Variants in HTR2C observed in about 807,000 individuals in gnomAD.
HTR2C encodes 5-hydroxytryptamine (serotonin) receptor 2C, G protein-coupled.
HTR2C carries 5 observed loss-of-function variants against 21.0 expected under a neutral mutation model. The observed-to-expected ratio is 0.24, with a 90% CI of 0.12 to 0.50. The LOEUF (loss-of-function observed/expected upper bound fraction) is 0.50, where lower values mean the gene tolerates loss of function less well. Among genes scored for constraint, HTR2C ranks in the 20% least tolerant of loss-of-function variants. The pLI is 0.98. For missense variants in HTR2C, 271 were observed against 371.2 expected, an observed-to-expected ratio of 0.73 and a Z score of 2.22; for synonymous variants, 150 against 145.3, an observed-to-expected ratio of 1.03 and a Z score of -0.23.
chrX:114,706,332 G>C (rs1932767537), intron 2 of HTR2C, among the ~76,000 whole-genome samples: 1 of 73,302 alleles, frequency 1.4e-5, no homozygotes, highest in African/African-American at 5.1e-5. Context: ...TGATAGACTG[G>C]ATTAAGAAAA....
chrX:114,818,179 G>A (rs1418755273), intron 4 of HTR2C, among the ~76,000 whole-genome samples: 1 of 111,627 alleles, frequency 9.0e-6, no homozygotes, highest in Non-Finnish European at 1.9e-5. Flanking sequence ...GGAATAGAAG[G>A]GAACTTCCAC....
chrX:114,719,395 A>G (rs943161657), intron 2 of HTR2C, among the ~76,000 whole-genome samples: 3 of 111,552 alleles, frequency 2.7e-5, no homozygotes, highest in African/African-American at 9.7e-5. Flanking sequence ...CTTTTAGTAG[A>G]ATTACTCACA....
intron 4 of HTR2C, among the ~76,000 whole-genome samples, chrX:114,829,198 T>A (rs1414088203): frequency 1.8e-5 from 2 of 111,683 alleles, no homozygotes; most frequent in African/African-American, 6.5e-5. Flanking sequence ...TTTCTCCACA[T>A]CCTCACCAAG....
intron 2 of HTR2C, among the ~76,000 whole-genome samples, chrX:114,706,452 G>T (rs1474902528): frequency 2.9e-5 from 1 of 34,541 alleles, no homozygotes; most frequent in Non-Finnish European, 7.3e-5. Context: ...GTAAACTATT[G>T]CAAGGAAAAA....
At chrX:114,719,714 A>C (rs782497829) in intron 2 of HTR2C, among the ~76,000 whole-genome samples, 31 of 111,735 alleles carry the variant, frequency 2.8e-4, no homozygotes, top group African/African-American at 9.4e-4. Flanking sequence ...TAGAAAAATA[A>C]ATATTTGATG....
At chrX:114,612,122 A>C (rs1556398850) in intron 1 of HTR2C, among the ~76,000 whole-genome samples, 1 of 111,611 alleles carries the variant, frequency 9.0e-6, no homozygotes, top group East Asian at 2.8e-4. Flanking sequence ...AGGGGTAGTC[A>C]CATTAAATTA....
intron 5 of HTR2C, among the ~76,000 whole-genome samples, chrX:114,895,988 CA>C (rs60421212): frequency 0.013 from 1,185 of 87,859 alleles, 16 homozygotes; most frequent in African/African-American, 0.039. Context: ...GACTCTGTCT[CA>C]AAAAAAAAAA....
intron 4 of HTR2C, among the ~76,000 whole-genome samples, chrX:114,816,266 T>TGATAGATAGGTAGATAGATAGATA: frequency 1.9e-5 from 2 of 102,913 alleles, no homozygotes; most frequent in African/African-American, 7.1e-5. Flanking sequence ...GATAGATAGA[T>TGATAGATAGGTAGATAGATAGATA]GATAGATAGA....
rs781994136 is a variant in HTR2C, at chrX:114,833,502, T to C, written c.350-14501T>C. On this transcript the variant is annotated intron_variant, in intron 4 of 5. Transcript: ENST00000276198. ...TTTATTTGCGTAGAGGTGTTTGTAG[T>C]ATTCTCTGATGGTAGTTTGTATTTC... Among the ~76,000 whole-genome samples, 3 of 111,868 alleles carry C rather than the reference T, an allele frequency of 2.7e-5. No individual in the cohort carries two copies. The South Asian group carries it at 1.1e-3, about 43-fold the overall frequency.
chrX:114,805,846 T>TATATATACCACATATATACC (rs2070412631), intron 4 of HTR2C, among the ~76,000 whole-genome samples: 1 of 41,170 alleles, frequency 2.4e-5, no homozygotes, highest in Non-Finnish European at 4.7e-5. Context: ...ATATATACCA[T>TATATATACCACATATATACC]ATATATACCA....
At chrX:114,870,720 T>C (rs2071085774) in intron 5 of HTR2C, among the ~76,000 whole-genome samples, 1 of 111,684 alleles carries the variant, frequency 9.0e-6, no homozygotes, top group African/African-American at 3.3e-5. Flanking sequence ...TAGTTGCTCA[T>C]AGTAGCCACT....
intron 5 of HTR2C, among the ~76,000 whole-genome samples, chrX:114,870,041 T>C (rs900164595): frequency 9.0e-6 from 1 of 111,402 alleles, no homozygotes; most frequent in African/African-American, 3.3e-5. Flanking sequence ...ATCTTTCTAA[T>C]GTATTGTTGA....
intron 2 of HTR2C, among the ~76,000 whole-genome samples, chrX:114,663,016 G>T (rs1433047098): frequency 1.8e-5 from 2 of 111,427 alleles, no homozygotes; most frequent in Non-Finnish European, 3.8e-5. Context: ...TTGTAAACAG[G>T]TGTATTTTTA....
At chrX:114,792,836 T>C (rs905186331) in intron 4 of HTR2C, among the ~76,000 whole-genome samples, 1 of 112,120 alleles carries the variant, frequency 8.9e-6, no homozygotes, top group Admixed American at 9.5e-5. Context: ...GGTATCTCAT[T>C]GCGGTTTTGA....
intron 3 of HTR2C, among the ~76,000 whole-genome samples, chrX:114,730,910 C>T (rs782673023): frequency 4.5e-5 from 5 of 111,370 alleles, no homozygotes; most frequent in Admixed American, 9.6e-5. Context: ...TGGACCCTGG[C>T]CCCGCCACTT....
intron 2 of HTR2C, among the ~76,000 whole-genome samples, chrX:114,620,292 A>G (rs1253578358): frequency 8.9e-6 from 1 of 112,400 alleles, no homozygotes; most frequent in Non-Finnish European, 1.9e-5. Flanking sequence ...AAAATTTTGA[A>G]TAAGTTTCAC....
At chrX:114,850,068 A>T (rs897973024) in intron 5 of HTR2C, among the ~76,000 whole-genome samples, 2 of 111,864 alleles carry the variant, frequency 1.8e-5, no homozygotes, top group Non-Finnish European at 3.8e-5. Flanking sequence ...ATAACAAATG[A>T]CATTAAGATT....
chrX:114,805,669 TAC>T lies in HTR2C; in HGVS notation c.350-42331_350-42330del, dbSNP rs1294087837. ...ATACACCATATATATACCATATATA[TAC>T]ACCATATATATACCATATATATACA... is the stretch of plus-strand genomic sequence containing the variant. On this transcript the variant is annotated intron_variant, in intron 4 of 5. Transcript: ENST00000276198. 8.9e-3 allele frequency among the ~76,000 whole-genome samples: 151 copies of T among 16,974 alleles called. 47 individuals carry two copies. Among genetic ancestry groups the T allele is most frequent in the African/African-American group, 0.023 (142 of 6,246 alleles). 14.7% of individuals were successfully genotyped at this position (16,974 alleles called of 115,157 possible).
intron 4 of HTR2C, chrX:114,776,513 T>C: frequency 1.8e-6 from 1 of 548,735 alleles, no homozygotes; most frequent in East Asian, 3.3e-5. Flanking sequence ...GGGCCAATGC[T>C]TCATATCAGA....
Sources: allele counts gnomAD v4.1 joint callset (sites outside exome capture counted in the v4.1 genomes callset), GRCh38; gene constraint gnomAD v4.1.1; transcripts MANE v1.5; gene names NCBI Gene and HGNC (gene_info 2026-07-23, HGNC 2026-07-21).